PBX1: variants seen among roughly 807,000 people sequenced by gnomAD.
PBX1 encodes the protein pre-B-cell leukemia transcription factor 1.
Under a neutral mutation model 53.4 loss-of-function variants are expected in PBX1, and 6 were observed. The ratio of observed to expected loss-of-function variants is 0.11; its 90% CI spans 0.06 to 0.22. The LOEUF (loss-of-function observed/expected upper bound fraction) is 0.22. PBX1 is among the 10% of genes least tolerant of loss of function. PBX1 has a pLI of 1.00. For missense variants in PBX1, 251 were observed against 551.4 expected, an observed-to-expected ratio of 0.46 and a Z score of 5.46; for synonymous variants, 204 against 212.3, an observed-to-expected ratio of 0.96 and a Z score of 0.34.
intron 2 of PBX1, among the ~76,000 whole-genome samples, chr1:164,742,691 C>A (rs943451347): frequency 2.6e-5 from 4 of 152,126 alleles, no homozygotes; most frequent in African/African-American, 9.7e-5. Context: ...TAAAAACAGT[C>A]CATTTTTAGA....
At chr1:164,576,129 GA>G (rs991857249) in intron 2 of PBX1, among the ~76,000 whole-genome samples, 1 of 152,244 alleles carries the variant, frequency 6.6e-6, no homozygotes, top group African/African-American at 2.4e-5. Context: ...AAAACTTTTG[GA>G]ACCAAGAAAC....
At chr1:164,575,168 C>T (rs940465353) in intron 2 of PBX1, among the ~76,000 whole-genome samples, 6 of 152,184 alleles carry the variant, frequency 3.9e-5, no homozygotes, top group African/African-American at 1.4e-4. Context: ...ATTGCAAGTG[C>T]AGAATACCTT....
intron 4 of PBX1, among the ~76,000 whole-genome samples, chr1:164,802,409 C>T (rs1197907927): frequency 6.6e-6 from 1 of 152,132 alleles, no homozygotes; most frequent in African/African-American, 2.4e-5. Context: ...TCATTTCCTT[C>T]TGATTGTACG....
At chr1:164,870,914 T>C (rs912202951) in intron 2 of PBX1, among the ~76,000 whole-genome samples, 3 of 152,176 alleles carry the variant, frequency 2.0e-5, no homozygotes, top group African/African-American at 7.2e-5. Context: ...ATGAAACTCA[T>C]CTACTCCTCT....
At chr1:164,802,379 G>A (rs908601546) in intron 4 of PBX1, among the ~76,000 whole-genome samples, 8 of 152,106 alleles carry the variant, frequency 5.3e-5, no homozygotes, top group Non-Finnish European at 8.8e-5. Context: ...TTCCAAGCTC[G>A]TTCTGGTTGT....
intron 2 of PBX1, among the ~76,000 whole-genome samples, chr1:164,708,468 G>A (rs1198557037): frequency 6.6e-6 from 1 of 152,074 alleles, no homozygotes; most frequent in African/African-American, 2.4e-5. Flanking sequence ...ATATAATGCT[G>A]GGGTTTGGGC....
At chr1:164,859,765 G>A (rs766243335) in intron 2 of PBX1, among the ~76,000 whole-genome samples, 4 of 152,118 alleles carry the variant, frequency 2.6e-5, no homozygotes, top group Admixed American at 6.5e-5. Flanking sequence ...CTGTACCCCA[G>A]GCGAATCTTC....
chr1:164,830,823 A>G (rs1670718520), intron 8 of PBX1, among the ~76,000 whole-genome samples: 1 of 152,100 alleles, frequency 6.6e-6, no homozygotes, highest in South Asian at 2.1e-4. Flanking sequence ...GATCAACAAC[A>G]TTACCTGGGA....
intron 2 of PBX1, among the ~76,000 whole-genome samples, chr1:164,752,966 A>G (rs1248278093): frequency 1.3e-5 from 2 of 152,224 alleles, no homozygotes; most frequent in Non-Finnish European, 2.9e-5. Context: ...GTGTTTTATA[A>G]TGAAAGTTTC....
chr1:164,846,165 T>A (rs895879882), intron 8 of PBX1, among the ~76,000 whole-genome samples: 2 of 152,082 alleles, frequency 1.3e-5, no homozygotes, highest in Admixed American at 6.5e-5. Flanking sequence ...AGAAAGCATT[T>A]GAGCCAACCT....
chr1:164,683,274 A>G (rs893937071), intron 2 of PBX1: 2 of 152,206 alleles, frequency 1.3e-5, no homozygotes, highest in Admixed American at 6.5e-5. Flanking sequence ...CCCATTTTAC[A>G]GAAGAAGAAA....
intron 2 of PBX1, among the ~76,000 whole-genome samples, chr1:164,686,659 C>G (rs1381947684): frequency 6.6e-6 from 1 of 152,164 alleles, no homozygotes; most frequent in African/African-American, 2.4e-5. Context: ...CTCTCCTAGG[C>G]ATGGGTCAGG....
At chr1:164,750,817 G>T (rs1278408568) in intron 2 of PBX1, among the ~76,000 whole-genome samples, 3 of 152,164 alleles carry the variant, frequency 2.0e-5, no homozygotes, top group Non-Finnish European at 2.9e-5. Flanking sequence ...TGTAGGCAGT[G>T]GCTTATATAT....
chr1:164,733,336 G>C (rs1311203651), intron 2 of PBX1, among the ~76,000 whole-genome samples: 1 of 152,076 alleles, frequency 6.6e-6, no homozygotes, highest in Admixed American at 6.6e-5. Flanking sequence ...TCAACACAAT[G>C]GGTCCCTCCT....
chr1:164,702,159 C>G (rs1485031152), intron 2 of PBX1, among the ~76,000 whole-genome samples: 1 of 151,506 alleles, frequency 6.6e-6, no homozygotes, highest in Admixed American at 6.6e-5. Context: ...CTTGCCCTGG[C>G]TGGCAGTATG....
At chr1:164,710,750 G>A (rs1379049450) in intron 2 of PBX1, among the ~76,000 whole-genome samples, 1 of 152,190 alleles carries the variant, frequency 6.6e-6, no homozygotes, top group Admixed American at 6.5e-5. Context: ...AAGCCTTGAG[G>A]GTTTAAGGAG....
At chr1:164,842,003 C>G (rs1273381375) in intron 8 of PBX1, among the ~76,000 whole-genome samples, 2 of 152,192 alleles carry the variant, frequency 1.3e-5, no homozygotes, top group African/African-American at 4.8e-5. Context: ...TTCTTAGTGC[C>G]AGGCTTGCTT....
At chr1:164,681,681 G>A (rs1342379739) in intron 2 of PBX1, among the ~76,000 whole-genome samples, 2 of 152,174 alleles carry the variant, frequency 1.3e-5, no homozygotes, top group African/African-American at 4.8e-5. Flanking sequence ...ACTTTAGAGT[G>A]GAGCGTGGAA....
chr1:164,709,438 A>G (rs554200428), intron 2 of PBX1, among the ~76,000 whole-genome samples: 43 of 152,344 alleles, frequency 2.8e-4, no homozygotes, highest in Middle Eastern at 3.4e-3. Flanking sequence ...CTTTAAGTTG[A>G]ATAAACAACT....
Sources: gnomAD v4.1 joint callset for allele counts (sites outside exome capture counted in the v4.1 genomes callset) on GRCh38, gnomAD v4.1.1 for gene constraint, MANE v1.5 for transcripts, NCBI Gene and HGNC (gene_info 2026-07-23, HGNC 2026-07-21) for gene names.